TENM2: variants seen among roughly 807,000 people sequenced by gnomAD.
TENM2 encodes the protein teneurin-2.
Under a neutral mutation model 245.2 loss-of-function variants are expected in TENM2, and 52 were observed. The observed-to-expected ratio is 0.21, with a 90% CI of 0.17 to 0.27. The LOEUF (loss-of-function observed/expected upper bound fraction) is 0.27, where lower values mean the gene tolerates loss of function less well. Among genes scored for constraint, TENM2 ranks in the 10% least tolerant of loss-of-function variants. The pLI is 1.00. For synonymous variants in TENM2, 1,363 were observed against 1,438.9 expected, an observed-to-expected ratio of 0.95 and a Z score of 1.19; for missense variants, 3,046 against 3,666.8, an observed-to-expected ratio of 0.83 and a Z score of 4.37.
intron 25 of TENM2, among the ~76,000 whole-genome samples, chr5:168,231,466 T>C (rs943278762): frequency 6.6e-6 from 1 of 151,944 alleles, no homozygotes; most frequent in Non-Finnish European, 1.5e-5. Flanking sequence ...TGTTAGAGAG[T>C]AGGGTAGAAA....
At chr5:168,113,157 A>T (rs911260782) in intron 9 of TENM2, among the ~76,000 whole-genome samples, 2 of 150,254 alleles carry the variant, frequency 1.3e-5, no homozygotes, top group Non-Finnish European at 3.0e-5. Context: ...TCTCTACCGA[A>T]TTTTTTTTTT....
intron 2 of TENM2, among the ~76,000 whole-genome samples, chr5:167,628,492 C>T (rs1031776075): frequency 4.6e-5 from 7 of 152,164 alleles, no homozygotes. Context: ...AGGGATTTCT[C>T]TTACTGTGAT....
chr5:167,114,635 T>A, the TENM2 span, among the ~76,000 whole-genome samples: 5 of 152,250 alleles, frequency 3.3e-5, no homozygotes, highest in Non-Finnish European at 5.9e-5. Flanking sequence ...TTTTAAAAAA[T>A]TAAATCTTTA....
the TENM2 span, among the ~76,000 whole-genome samples, chr5:167,253,254 C>CT: frequency 0.66 from 90,818 of 137,086 alleles, 31,318 homozygotes; most frequent in Middle Eastern, 0.86. Flanking sequence ...ACAGGCCTGG[C>CT]TTTTTTTTTT....
At chr5:167,446,936 A>G (rs184040420) in intron 2 of TENM2, among the ~76,000 whole-genome samples, 31 of 152,266 alleles carry the variant, frequency 2.0e-4, no homozygotes, top group Admixed American at 2.0e-3. Context: ...TAGATTTTAG[A>G]ATATTTGTAT....
At chr5:167,746,673 A>AATAGAG (rs1216458445) in intron 2 of TENM2, among the ~76,000 whole-genome samples, 1 of 39,922 alleles carries the variant, frequency 2.5e-5, no homozygotes, top group African/African-American at 6.5e-5. Context: ...CTAAATTACC[A>AATAGAG]ACAGAGAGAG....
At chr5:167,910,540 A>G (rs1364355260) in intron 3 of TENM2, among the ~76,000 whole-genome samples, 2 of 152,342 alleles carry the variant, frequency 1.3e-5, no homozygotes, top group Non-Finnish European at 2.9e-5. Flanking sequence ...ACCTTCTAGC[A>G]TCTGCATTTC....
chr5:167,630,004 C>A (rs985717602), intron 2 of TENM2, among the ~76,000 whole-genome samples: 2 of 152,120 alleles, frequency 1.3e-5, no homozygotes, highest in African/African-American at 4.8e-5. Context: ...AAATACGTTT[C>A]AAGACTTCCA....
rs1002277622 is a variant in TENM2 at position 168,108,856 on chromosome 5, C to T, written c.1814-9436C>T. On this transcript the variant is annotated intron_variant, in intron 9 of 28. Coordinates refer to ENST00000518659, the Ensembl canonical transcript of TENM2. ...CTTTAATAGACATCTTCCTCTGCAC[C>T]GCGGAGAACAATGACAAAGCTCTTA... Among the ~76,000 whole-genome samples, 9 of 151,758 alleles carry T rather than the reference C, an allele frequency of 5.9e-5. No homozygotes were observed. The East Asian group carries it at 7.7e-4, about 13-fold the overall frequency.
At chr5:167,574,978 C>T (rs1774539990) in intron 2 of TENM2, among the ~76,000 whole-genome samples, 2 of 151,968 alleles carry the variant, frequency 1.3e-5, no homozygotes, top group Non-Finnish European at 2.9e-5. Context: ...CATGATCTCC[C>T]AGCACTTGAT....
At chr5:167,176,512 C>G in the TENM2 span, among the ~76,000 whole-genome samples, 1 of 152,202 alleles carries the variant, frequency 6.6e-6, no homozygotes, top group Non-Finnish European at 1.5e-5. Context: ...ATTTATTCAT[C>G]TACCAACTTA....
chr5:167,700,775 A>G (rs1018969796), intron 2 of TENM2, among the ~76,000 whole-genome samples: 1 of 152,168 alleles, frequency 6.6e-6, no homozygotes, highest in Non-Finnish European at 1.5e-5. Context: ...GGATATCACA[A>G]TTCGGTCCAT....
the TENM2 span, among the ~76,000 whole-genome samples, chr5:167,148,555 T>C: frequency 1.3e-5 from 2 of 152,230 alleles, no homozygotes; most frequent in African/African-American, 4.8e-5. Flanking sequence ...ATTTTTTAAA[T>C]GCAAACATCT....
At chr5:167,281,592 A>G (rs1053479649), upstream of TENM2, among the ~76,000 whole-genome samples, 10 of 152,310 alleles carry the variant, frequency 6.6e-5, no homozygotes, top group South Asian at 2.1e-3. Context: ...TGACAAAGTT[A>G]ACTATCAAGG....
intron 2 of TENM2, among the ~76,000 whole-genome samples, chr5:167,503,321 C>T (rs1769333512): frequency 6.6e-6 from 1 of 152,000 alleles, no homozygotes; most frequent in African/African-American, 2.4e-5. Flanking sequence ...TCCTTTTTCT[C>T]ACTTAACAAA....
At position 167,462,197 on chromosome 5, in the gene TENM2, G is replaced by A. The variant is rs1766355905; in HGVS notation, c.502+86724G>A. On this transcript the variant is annotated intron_variant, in intron 2 of 28. Transcript: ENST00000518659. ...CTGACCCCCACCCCCCCCCCCCATT[G>A]CAGGACATGCAACAGGGGTATAACT... 7.1e-5 allele frequency among the ~76,000 whole-genome samples: 2 copies of A among 28,350 alleles called. 1 individual carries two copies. Among genetic ancestry groups the A allele is most frequent in the Admixed American group, 1.1e-3 (2 of 1,858 alleles). 18.6% of individuals were successfully genotyped at this position (28,350 alleles called of 152,430 possible).
rs953805712 is a variant in TENM2, at chr5:168,199,854, T to A, written c.3163-10T>A. On this transcript the variant is annotated splice_polypyrimidine_tract_variant and intron_variant, in intron 16 of 28. Coordinates refer to ENST00000518659, the Ensembl canonical transcript of TENM2. ...TTTAGGTGTGTGTCTGCCATGTGTT[T>A]CCTCTCCAGGTTCTTCATGAAGAAA... 1 of 1,612,070 alleles carries A rather than the reference T, an allele frequency of 6.2e-7. No individual in the cohort carries two copies. The highest frequency in any genetic ancestry group is 1.3e-5 in the African/African-American group (1 of 74,868).
At chr5:167,401,065 CG>C (rs1762341213) in intron 2 of TENM2, among the ~76,000 whole-genome samples, 2 of 151,714 alleles carry the variant, frequency 1.3e-5, no homozygotes, top group Admixed American at 1.3e-4. Context: ...CACTCCAGCT[CG>C]GGGTGACAGA....
chr5:167,831,954 G>T (rs1768532914), intron 2 of TENM2, among the ~76,000 whole-genome samples: 1 of 150,426 alleles, frequency 6.6e-6, no homozygotes, highest in Admixed American at 6.7e-5. Context: ...TATGTGTGTA[G>T]GAATGATGCC....
Sources: gnomAD v4.1 joint callset for allele counts (sites outside exome capture counted in the v4.1 genomes callset) on GRCh38, gnomAD v4.1.1 for gene constraint, MANE v1.5 for transcripts, NCBI Gene and HGNC (gene_info 2026-07-23, HGNC 2026-07-21) for gene names.